The following PAPPA variants were observed in gnomAD, a reference collection of about 807,000 sequenced individuals.
PAPPA encodes the protein pappalysin 1, also known as pappalysin-1.
In PAPPA, 60 loss-of-function variants were observed where a neutral mutation model predicts 164.0. The observed-to-expected ratio is 0.37, with a 90% CI of 0.30 to 0.45. PAPPA has a LOEUF of 0.45. PAPPA is among the 20% of genes least tolerant of loss of function. PAPPA has a pLI of 1.00. For synonymous variants in PAPPA, 875 were observed against 814.1 expected, an observed-to-expected ratio of 1.07 and a Z score of -1.27; for missense variants, 1,782 against 2,087.3, an observed-to-expected ratio of 0.85 and a Z score of 2.85.
intron 10 of PAPPA, among the ~76,000 whole-genome samples, chr9:116,324,519 C>T (rs1308963016): frequency 6.6e-6 from 1 of 151,022 alleles, no homozygotes; most frequent in Admixed American, 6.5e-5. Flanking sequence ...ACATGCTTCT[C>T]ACCTTGGAAA....
Position 116,398,578 on chromosome 9 carries a change from A to C in PAPPA, c.*1962A>C. On this transcript the variant is annotated 3_prime_UTR_variant, in exon 22 of 22. Transcript: ENST00000328252. ...CTGGTGATCAAAAACACTTGAGAAGACATCTATTGGCCATCTCTGGCCAAT... is the reference window on the plus strand; with the variant it reads ...CTGGTGATCAAAAACACTTGAGAAGCCATCTATTGGCCATCTCTGGCCAAT... The C allele has an allele frequency of 7.8e-7, 1 of 1,276,758 alleles. No individual in the cohort carries two copies. The highest frequency in any genetic ancestry group is 1.0e-6 in the Non-Finnish European group (1 of 977,406). 79.1% of individuals were successfully genotyped at this position (1,276,758 alleles called of 1,614,324 possible).
chr9:116,255,079 T>TA (rs1844912457), intron 7 of PAPPA, among the ~76,000 whole-genome samples: 1 of 151,848 alleles, frequency 6.6e-6, no homozygotes, highest in African/African-American at 2.4e-5. Flanking sequence ...ATATATAATA[T>TA]AATATACTCT....
At chr9:116,322,337 T>C (rs1197182244) in intron 10 of PAPPA, among the ~76,000 whole-genome samples, 1 of 144,308 alleles carries the variant, frequency 6.9e-6, no homozygotes, top group Admixed American at 7.4e-5. Flanking sequence ...TTGAACCTGG[T>C]AGGCAGAGGT....
intron 21 of PAPPA, among the ~76,000 whole-genome samples, chr9:116,388,209 C>A (rs1846842017): frequency 1.3e-5 from 2 of 152,182 alleles, no homozygotes; most frequent in African/African-American, 4.8e-5. Context: ...CACCCAGACA[C>A]CTGCCTGCAG....
rs1029267106 is a variant in PAPPA, at chr9:116,398,554, T to C, written c.*1938T>C. ...TATATCACTCCCAATAGCACTGACC[T>C]GGTGATCAAAAACACTTGAGAAGAC... On this transcript the variant is annotated 3_prime_UTR_variant, in exon 22 of 22. Transcript: ENST00000328252. The C allele has an allele frequency of 1.3e-4, 170 of 1,283,858 alleles. No homozygotes were observed. The highest frequency in any genetic ancestry group is 1.7e-4 in the Non-Finnish European group (163 of 984,670). 79.5% of individuals were successfully genotyped at this position (1,283,858 alleles called of 1,614,324 possible). A position where few individuals can be genotyped will look rare whatever the true frequency, so the allele number is the denominator to read the frequency against.
chr9:116,390,707 C>T (rs1846879668), intron 21 of PAPPA, among the ~76,000 whole-genome samples: 1 of 152,104 alleles, frequency 6.6e-6, no homozygotes, highest in Non-Finnish European at 1.5e-5. Context: ...CTGCCCCCCG[C>T]TTTGGAATGT....
At chr9:116,195,612 A>G (rs1844094864) in intron 2 of PAPPA, among the ~76,000 whole-genome samples, 1 of 152,220 alleles carries the variant, frequency 6.6e-6, no homozygotes, top group Non-Finnish European at 1.5e-5. Context: ...AGAGGATTGG[A>G]TGAAATAATA....
chr9:116,323,557 G>A (rs1051407386), intron 10 of PAPPA, among the ~76,000 whole-genome samples: 1 of 151,922 alleles, frequency 6.6e-6, no homozygotes. Context: ...GAAAGAAAGA[G>A]AGAGAGAGAG....
At position 116,382,423 on chromosome 9, in the gene PAPPA, C is replaced by G; in HGVS notation, c.4706C>G (p.Ala1569Gly). 6.2e-7 allele frequency: 1 copy of G among 1,613,386 alleles called. No homozygotes were observed. The highest frequency in any genetic ancestry group is 8.5e-7 in the Non-Finnish European group (1 of 1,179,364). The change falls in exon 21 of 22, where the codon GCC becomes GGC. Residue 1569 changes from alanine to glycine, a missense_variant. Physicochemically the swap from Ala to Gly is moderately conservative, Grantham distance 60. Coordinates refer to ENST00000328252, the MANE Select transcript of PAPPA (RefSeq NM_002581.5). ...TTCATGGGAGACAATTATTGTGATG[C>G]CATCAACAACCGAGCCTTTTGCAAC... ...EPFMGDNYCD[A>G]INNRAFCNYD...
intron 7 of PAPPA, among the ~76,000 whole-genome samples, chr9:116,253,506 C>G (rs1012088707): frequency 2.6e-5 from 4 of 152,118 alleles, no homozygotes; most frequent in African/African-American, 9.7e-5. Context: ...AACTATCTTT[C>G]AAAACATTTC....
intron 7 of PAPPA, among the ~76,000 whole-genome samples, chr9:116,258,679 A>G (rs1055266046): frequency 2.0e-5 from 3 of 152,180 alleles, no homozygotes; most frequent in African/African-American, 7.2e-5. Context: ...ACCCCGAAAA[A>G]AAAAATTATG....
chr9:116,288,035 G>T (rs1222006619), intron 9 of PAPPA, among the ~76,000 whole-genome samples: 1 of 152,140 alleles, frequency 6.6e-6, no homozygotes, highest in African/African-American at 2.4e-5. Context: ...AAAGGGCAGT[G>T]GTTTTGATTG....
At chr9:116,325,329 C>G (rs904088584) in intron 10 of PAPPA, among the ~76,000 whole-genome samples, 10 of 152,052 alleles carry the variant, frequency 6.6e-5, no homozygotes, top group Admixed American at 2.0e-4. Flanking sequence ...CTATGAAACC[C>G]TTGGTGGATA....
chr9:116,154,475 G>T lies in PAPPA; in HGVS notation c.303G>T (p.Gly101=). Reference sequence around the variant, plus strand: ...CGAGCCGGGCGCTCTATTTCAGCGGGCGAGGCGAGCAGCTGCGCCTCCGGG... The same window carrying T: ...CGAGCCGGGCGCTCTATTTCAGCGGTCGAGGCGAGCAGCTGCGCCTCCGGG... ...SPPSRALYFS[G]RGEQLRLRAD... The change falls in exon 1 of 22, where the codon GGG becomes GGT. Residue 101 remains glycine, a synonymous_variant. Transcript: ENST00000328252. This position sits in a 1 kb window ranked among gnomAD's most constrained non-coding sequence, Gnocchi z 5.2. 6 of 1,303,366 alleles carry T rather than the reference G, an allele frequency of 4.6e-6. No individual in the cohort carries two copies. Among genetic ancestry groups the T allele is most frequent in the Non-Finnish European group, 5.9e-6 (6 of 1,024,688 alleles). The allele number at this position is 1,303,366 out of a possible 1,614,324, so 80.7% of individuals were successfully genotyped here. A position where few individuals can be genotyped will look rare whatever the true frequency, so the allele number is the denominator to read the frequency against.
chr9:116,351,029 G>A lies in PAPPA; in HGVS notation c.3965-1677G>A, dbSNP rs75294904. ...GAAGGAATAAGATAAGTGGAGGAGC[G>A]TACATAAAATTGCAAAGTACTTTCT... On this transcript the variant is annotated intron_variant, in intron 15 of 21. Coordinates refer to ENST00000328252, the MANE Select transcript of PAPPA (RefSeq NM_002581.5). Among the ~76,000 whole-genome samples the A allele has an allele frequency of 2.7e-3, 409 of 152,214 alleles. 10 individuals are homozygous for A. In the South Asian group the frequency reaches 0.049, roughly 18 times the overall value.
chr9:116,358,923 T>A (rs1368263327), intron 17 of PAPPA, among the ~76,000 whole-genome samples: 2 of 152,198 alleles, frequency 1.3e-5, no homozygotes, highest in East Asian at 3.9e-4. Flanking sequence ...AAGAACCTCA[T>A]CTGACGATTA....
At chr9:116,320,488 T>C (rs1448224691) in intron 10 of PAPPA, among the ~76,000 whole-genome samples, 2 of 152,220 alleles carry the variant, frequency 1.3e-5, no homozygotes, top group African/African-American at 2.4e-5. Context: ...TGTTTCACAC[T>C]CTGGCCCTGC....
At position 116,187,145 on chromosome 9, in the gene PAPPA, G is replaced by A; in HGVS notation, c.416-9G>A. 5 of 1,578,044 alleles carry A rather than the reference G, an allele frequency of 3.2e-6. No homozygotes were observed. Among genetic ancestry groups the A allele is most frequent in the South Asian group, 2.2e-5 (2 of 89,424 alleles). ...TATTTATTCATCTTTCTCTTTTGGGGCCACATAGGGCTGTATGACAAATGT... is the reference window on the plus strand; with the variant it reads ...TATTTATTCATCTTTCTCTTTTGGGACCACATAGGGCTGTATGACAAATGT... On this transcript the variant is annotated splice_polypyrimidine_tract_variant and intron_variant, in intron 1 of 21. Coordinates refer to ENST00000328252, the MANE Select transcript of PAPPA (RefSeq NM_002581.5). The surrounding 1 kb of genome is among the most constrained non-coding windows in gnomAD (Gnocchi z 4.2).
intron 10 of PAPPA, among the ~76,000 whole-genome samples, chr9:116,311,423 A>T (rs568388654): frequency 1.3e-5 from 2 of 152,344 alleles, no homozygotes; most frequent in African/African-American, 4.8e-5. Flanking sequence ...AATGGAATTA[A>T]CCTTAGAGGT....
Sources: allele counts gnomAD v4.1 joint callset (sites outside exome capture counted in the v4.1 genomes callset), GRCh38; gene constraint gnomAD v4.1.1; non-coding constraint Gnocchi (gnomAD v3.1); transcripts MANE v1.5; gene names NCBI Gene and HGNC (gene_info 2026-07-23, HGNC 2026-07-21).